KPNA3: variants seen among roughly 807,000 people sequenced by gnomAD.
KPNA3 encodes the protein karyopherin subunit alpha 3, also known as importin subunit alpha-4.
In KPNA3, 13 loss-of-function variants were observed where a neutral mutation model predicts 73.8. The observed-to-expected ratio is 0.18, with a 90% CI of 0.11 to 0.28. KPNA3 has a LOEUF of 0.28. Ranked by LOEUF, KPNA3 falls within the 10% of genes least tolerant of loss-of-function variation. The pLI, the probability that KPNA3 is intolerant of heterozygous loss-of-function variation, is 1.00. For synonymous variants in KPNA3, 186 were observed against 206.9 expected (o/e 0.90, Z 0.87); for missense variants, 360 against 618.1 (o/e 0.58, Z 4.43).
At chr13:49,766,034 A>C (rs372692297) in intron 1 of KPNA3, among the ~76,000 whole-genome samples, 3 of 152,280 alleles carry the variant, frequency 2.0e-5, no homozygotes, top group East Asian at 3.9e-4. Flanking sequence ...GGTCTTACTT[A>C]ATTTACTGTT....
At chr13:49,790,679 T>C (rs1044704434) in intron 1 of KPNA3, among the ~76,000 whole-genome samples, 1 of 152,364 alleles carries the variant, frequency 6.6e-6, no homozygotes, top group South Asian at 2.1e-4. Context: ...CCATGCTCTT[T>C]TTCATGCATC....
intron 12 of KPNA3, among the ~76,000 whole-genome samples, chr13:49,707,968 A>AAATGTAAAT (rs1954223256): frequency 6.6e-6 from 1 of 150,548 alleles, no homozygotes; most frequent in South Asian, 2.1e-4. Flanking sequence ...TTAGTAAACT[A>AAATGTAAAT]AATGTAAATT....
In KPNA3 at chr13:49,740,347, A is replaced by C. The variant is rs564368508; in HGVS notation, c.114+6602T>G. Among the ~76,000 whole-genome samples the C allele has an allele frequency of 3.2e-4, 49 of 152,244 alleles. No homozygotes were observed. The South Asian group carries it at 9.7e-3, about 30-fold the overall frequency. On this transcript the variant is annotated intron_variant, in intron 2 of 16. Coordinates refer to ENST00000261667, the MANE Select transcript of KPNA3 (RefSeq NM_002267.4). ...CTACTGTCAGTGATTTTTCAAGAAT[A>C]TAACACATTGTTATTAACTATAGTT...
chr13:49,720,754 T>G (rs1233459453), intron 9 of KPNA3, among the ~76,000 whole-genome samples: 10 of 137,628 alleles, frequency 7.3e-5, no homozygotes, highest in Admixed American at 4.3e-4. Flanking sequence ...AAAAAAGAGA[T>G]AACACAGTCA....
chr13:49,735,216 G>A lies in KPNA3; in HGVS notation c.115-2170C>T, dbSNP rs555990722. 1.7e-3 allele frequency among the ~76,000 whole-genome samples: 266 copies of A among 152,098 alleles called. 1 individual carries two copies. The highest frequency in any genetic ancestry group is 6.8e-3 in the Middle Eastern group (2 of 294). On this transcript the variant is annotated intron_variant, in intron 2 of 16. Coordinates refer to ENST00000261667, the MANE Select transcript of KPNA3 (RefSeq NM_002267.4). ...CAGCTCACTGCAACCTCCACCTCCC[G>A]GGTTCAAGTGATTCTCCTGCCTCAG...
intron 1 of KPNA3, among the ~76,000 whole-genome samples, chr13:49,791,621 C>A (rs1010710548): frequency 1.3e-5 from 2 of 152,118 alleles, no homozygotes; most frequent in Non-Finnish European, 2.9e-5. Flanking sequence ...TTTAGTAAAA[C>A]GTGTCAAAGA....
At chr13:49,775,917 C>T (rs866579260) in intron 1 of KPNA3, among the ~76,000 whole-genome samples, 6 of 152,008 alleles carry the variant, frequency 3.9e-5, no homozygotes, top group Non-Finnish European at 7.4e-5. Flanking sequence ...CTCTGTATTC[C>T]GAAATTGGAT....
At chr13:49,759,535 C>T (rs1449077711) in intron 1 of KPNA3, among the ~76,000 whole-genome samples, 1 of 152,072 alleles carries the variant, frequency 6.6e-6, no homozygotes, top group Non-Finnish European at 1.5e-5. Context: ...CAATGGGAGG[C>T]CTGAGCTTGT....
chr13:49,785,778 A>C (rs547656471), intron 1 of KPNA3, among the ~76,000 whole-genome samples: 2 of 152,126 alleles, frequency 1.3e-5, no homozygotes, highest in African/African-American at 4.8e-5. Flanking sequence ...TTTGTTTGCT[A>C]TATGGCATAT....
intron 1 of KPNA3, among the ~76,000 whole-genome samples, chr13:49,756,388 T>C (rs1269416766): frequency 6.6e-6 from 1 of 152,180 alleles, no homozygotes; most frequent in Non-Finnish European, 1.5e-5. Flanking sequence ...GAGACTCAGC[T>C]TCTACAGAAA....
intron 2 of KPNA3, among the ~76,000 whole-genome samples, chr13:49,745,444 C>T (rs1011462670): frequency 2.1e-5 from 3 of 144,726 alleles, no homozygotes; most frequent in Non-Finnish European, 3.1e-5. Flanking sequence ...ACTGCAGCCC[C>T]TGCCTCCAGG....
intron 2 of KPNA3, among the ~76,000 whole-genome samples, chr13:49,743,393 A>G (rs1286200598): frequency 6.6e-6 from 1 of 152,182 alleles, no homozygotes; most frequent in Non-Finnish European, 1.5e-5. Context: ...AAATCAATTA[A>G]GTTTTGTCTG....
At chr13:49,738,409 T>C (rs957156255) in intron 2 of KPNA3, among the ~76,000 whole-genome samples, 1 of 152,232 alleles carries the variant, frequency 6.6e-6, no homozygotes, top group Non-Finnish European at 1.5e-5. Flanking sequence ...TGAATTTCAA[T>C]AGGAAATGCA....
At chr13:49,736,464 G>C (rs993096156) in intron 2 of KPNA3, among the ~76,000 whole-genome samples, 1 of 152,076 alleles carries the variant, frequency 6.6e-6, no homozygotes, top group Non-Finnish European at 1.5e-5. Context: ...TTATCAAATA[G>C]CTGCTTTTTT....
intron 2 of KPNA3, among the ~76,000 whole-genome samples, chr13:49,742,085 G>A (rs1056748400): frequency 2.0e-5 from 3 of 151,990 alleles, no homozygotes; most frequent in Admixed American, 1.3e-4. Flanking sequence ...GTGAAATAAG[G>A]GCCTGGTCTC....
At chr13:49,777,317 G>A (rs531993222) in intron 1 of KPNA3, among the ~76,000 whole-genome samples, 3 of 152,266 alleles carry the variant, frequency 2.0e-5, no homozygotes, top group African/African-American at 7.2e-5. Flanking sequence ...AACAGGAAAT[G>A]CAAAGAAAGT....
intron 6 of KPNA3, among the ~76,000 whole-genome samples, chr13:49,727,165 A>G (rs1954417299): frequency 6.6e-6 from 1 of 151,942 alleles, no homozygotes; most frequent in Admixed American, 6.6e-5. Context: ...AGGTTAAAGA[A>G]GTCCGGGCAA....
At position 49,732,416 on chromosome 13, in the gene KPNA3, G is replaced by T; in HGVS notation, c.338C>A (p.Ser113Tyr). 1.9e-6 allele frequency: 3 copies of T among 1,599,104 alleles called. No individual in the cohort carries two copies. Among genetic ancestry groups the T allele is most frequent in the Admixed American group, 1.7e-5 (1 of 58,892 alleles). The change falls in exon 6 of 17, where the codon TCT (serine) becomes TAT (tyrosine). Residue 113 changes from serine (S) to tyrosine (Y), a missense_variant. This residue lies in a region of KPNA3 where 287 missense variants were observed against 549.1 expected (regional missense o/e 0.52). Coordinates refer to ENST00000261667, the MANE Select transcript of KPNA3 (RefSeq NM_002267.4). Reference protein sequence around the residue: ...RNPPIDDLIKSGILPILVKCL... With the variant: ...RNPPIDDLIKYGILPILVKCL... ...TTTGACTAGAATTGGTAAAATCCCA[G>T]ATTTTATTAAGTCATCAATCGGTGG...
intron 1 of KPNA3, among the ~76,000 whole-genome samples, chr13:49,773,955 G>A (rs186944701): frequency 1.4e-4 from 21 of 152,244 alleles, no homozygotes; most frequent in Middle Eastern, 3.4e-3. Context: ...ACCCAGTCTG[G>A]AATGCAGTAG....
Sources: allele counts gnomAD v4.1 joint callset (sites outside exome capture counted in the v4.1 genomes callset), GRCh38; gene constraint gnomAD v4.1.1; regional missense constraint gnomAD v4.1.1; transcripts MANE v1.5; gene names NCBI Gene and HGNC (gene_info 2026-07-23, HGNC 2026-07-21).